The following DOCK1 variants were observed in gnomAD, a reference collection of about 807,000 sequenced individuals.
DOCK1 encodes dedicator of cytokinesis protein 1.
DOCK1 carries 138 observed loss-of-function variants against 262.7 expected under a neutral mutation model. The observed-to-expected ratio is 0.53, with a 90% CI of 0.46 to 0.61. The LOEUF is 0.61. Among genes scored for constraint, DOCK1 ranks in the 20% least tolerant of loss-of-function variants. The pLI is 0.00. For missense variants in DOCK1, 1,908 were observed against 2,370.7 expected, an observed-to-expected ratio of 0.80 and a Z score of 4.05; for synonymous variants, 866 against 867.4, an observed-to-expected ratio of 1.00 and a Z score of 0.03.
chr10:127,039,954 C>T (rs1489227868), intron 19 of DOCK1, among the ~76,000 whole-genome samples: 3 of 152,290 alleles, frequency 2.0e-5, no homozygotes, highest in Middle Eastern at 3.4e-3. Flanking sequence ...TTCATGGCTC[C>T]GTGTGAAGGC....
chr10:127,062,868 T>G (rs2045622696), intron 23 of DOCK1, among the ~76,000 whole-genome samples: 1 of 152,200 alleles, frequency 6.6e-6, no homozygotes, highest in African/African-American at 2.4e-5. Flanking sequence ...AGCCTTCCAG[T>G]GCCCCTGTCC....
Position 127,446,268 on chromosome 10 carries a change from A to AG in DOCK1, c.5414-1126_5414-1125insG, listed in dbSNP as rs1454597182. Among the ~76,000 whole-genome samples, 11 of 151,916 alleles carry AG rather than the reference A, an allele frequency of 7.2e-5. No individual in the cohort carries two copies. The East Asian group carries it at 1.9e-3, about 27-fold the overall frequency. ...CCATCCCAAACAAAAAGAAAAGAAA[A>AG]AAAAAAAGAAAGTAGAATAGAGGAT... On this transcript the variant is annotated intron_variant, in intron 50 of 51. Coordinates refer to ENST00000623213, the MANE Select transcript of DOCK1 (RefSeq NM_001290223.2). The surrounding 1 kb of genome is among the most constrained non-coding windows in gnomAD (Gnocchi z 4.4).
intron 27 of DOCK1, among the ~76,000 whole-genome samples, chr10:127,161,584 T>G (rs2133675670): frequency 6.6e-6 from 1 of 152,366 alleles, no homozygotes; most frequent in African/African-American, 2.4e-5. Flanking sequence ...ACTGCCTCTG[T>G]TCTCCCCTGC....
intron 32 of DOCK1, 122 bp downstream of exon 32, chr10:127,354,849 C>T: frequency 8.7e-7 from 1 of 1,149,166 alleles, no homozygotes; most frequent in Non-Finnish European, 1.3e-6. Flanking sequence ...CCTTGGACAG[C>T]AGTTGCTACT....
chr10:127,065,662 C>T (rs2045819679), intron 23 of DOCK1, among the ~76,000 whole-genome samples: 2 of 152,194 alleles, frequency 1.3e-5, no homozygotes, highest in South Asian at 4.1e-4. Flanking sequence ...TCCATATTGA[C>T]TTTCCCTCAG....
chr10:127,130,104 G>GAT (rs1193266538), intron 27 of DOCK1, among the ~76,000 whole-genome samples: 2 of 116,910 alleles, frequency 1.7e-5, no homozygotes, highest in African/African-American at 8.5e-5. Context: ...TTTCCCCTGA[G>GAT]ATAGAGTCTT....
intron 45 of DOCK1, 76 bp from the exon 46 acceptor site, chr10:127,419,590 C>T (rs1416914103): frequency 3.7e-6 from 5 of 1,351,708 alleles, no homozygotes; most frequent in East Asian, 2.5e-5. Context: ...ATTCTCAGGG[C>T]CTGGCACACA....
intron 27 of DOCK1, among the ~76,000 whole-genome samples, chr10:127,157,513 A>G (rs554405324): frequency 2.0e-5 from 3 of 152,260 alleles, no homozygotes; most frequent in Non-Finnish European, 4.4e-5. Flanking sequence ...TCCTTCTATA[A>G]CATCATTTTC....
At chr10:127,053,363 A>AT (rs1265787572) in intron 22 of DOCK1, among the ~76,000 whole-genome samples, 204 of 152,226 alleles carry the variant, frequency 1.3e-3, no homozygotes, top group African/African-American at 4.6e-3. Context: ...AAATAAATAA[A>AT]ACAACAATGA....
At chr10:127,177,895 T>C (rs1298904010) in intron 27 of DOCK1, among the ~76,000 whole-genome samples, 1 of 152,190 alleles carries the variant, frequency 6.6e-6, no homozygotes, top group Admixed American at 6.5e-5. Flanking sequence ...GGTTCAGAGA[T>C]GTTGCGTCAT....
At chr10:127,222,566 G>T (rs1321521693) in intron 27 of DOCK1, among the ~76,000 whole-genome samples, 2 of 152,012 alleles carry the variant, frequency 1.3e-5, no homozygotes, top group Non-Finnish European at 2.9e-5. Context: ...AAATTTTGTG[G>T]TTTCTGTACA....
chr10:127,362,344 G>C, intron 33 of DOCK1, 132 bp downstream of exon 33: 1 of 1,073,840 alleles, frequency 9.3e-7, no homozygotes, highest in Non-Finnish European at 1.2e-6. Flanking sequence ...TACAGCTTGA[G>C]AGAGAAAAAG....
At chr10:126,928,544 A>G (rs2033945731) in intron 1 of DOCK1, among the ~76,000 whole-genome samples, 1 of 151,596 alleles carries the variant, frequency 6.6e-6, no homozygotes, top group Non-Finnish European at 1.5e-5. Context: ...CATGTGTCTC[A>G]GGCCCTGCCC....
At chr10:127,035,467 A>G (rs565586562) in intron 18 of DOCK1, among the ~76,000 whole-genome samples, 11 of 152,260 alleles carry the variant, frequency 7.2e-5, no homozygotes, top group African/African-American at 2.2e-4. Flanking sequence ...TGGGGGCTGG[A>G]CAAGCCCTGT....
intron 51 of DOCK1, among the ~76,000 whole-genome samples, chr10:127,449,483 C>G (rs74382049): frequency 0.02 from 3,036 of 152,274 alleles, 45 homozygotes; most frequent in South Asian, 0.043. Context: ...ATGCCACATA[C>G]AGTTGATTAA....
intron 43 of DOCK1, among the ~76,000 whole-genome samples, chr10:127,413,454 C>T (rs552610776): frequency 1.3e-5 from 2 of 152,342 alleles, no homozygotes; most frequent in East Asian, 1.9e-4. Context: ...AAGCCAGCCT[C>T]GGCCCCTCCA....
intron 23 of DOCK1, among the ~76,000 whole-genome samples, chr10:127,079,450 C>T (rs1332355828): frequency 6.6e-6 from 1 of 152,230 alleles, no homozygotes. Context: ...GAAAACCTTG[C>T]ATAGGCTGAA....
intron 2 of DOCK1, among the ~76,000 whole-genome samples, chr10:126,977,550 G>T (rs1434712641): frequency 2.0e-5 from 3 of 152,186 alleles, no homozygotes; most frequent in Non-Finnish European, 1.5e-5. Context: ...GCTGACATGT[G>T]CCCTTGGAGA....
At chr10:127,397,787 C>T (rs2066995712) in intron 38 of DOCK1, among the ~76,000 whole-genome samples, 1 of 151,316 alleles carries the variant, frequency 6.6e-6, no homozygotes, top group Non-Finnish European at 1.5e-5. Context: ...CGGGCAGTGA[C>T]TCCTGTATGA....
Sources: gnomAD v4.1 joint callset for allele counts (sites outside exome capture counted in the v4.1 genomes callset) on GRCh38, gnomAD v4.1.1 for gene constraint, Gnocchi (gnomAD v3.1) non-coding constraint, MANE v1.5 for transcripts, NCBI Gene and HGNC (gene_info 2026-07-23, HGNC 2026-07-21) for gene names.